The following GRIK2 variants were observed in gnomAD, a reference collection of about 807,000 sequenced individuals.
GRIK2 encodes glutamate receptor ionotropic, kainate 2.
GRIK2 carries 32 observed loss-of-function variants against 100.3 expected under a neutral mutation model. The ratio of observed to expected loss-of-function variants is 0.32; its 90% CI spans 0.24 to 0.43. The LOEUF is 0.43. GRIK2 is among the 20% of genes least tolerant of loss of function. The pLI is 1.00. For synonymous variants in GRIK2, 417 were observed against 389.4 expected, an observed-to-expected ratio of 1.07 and a Z score of -0.83; for missense variants, 843 against 1,114.9, an observed-to-expected ratio of 0.76 and a Z score of 3.47.
At chr6:101,848,700 T>C (rs1783946241) in intron 10 of GRIK2, among the ~76,000 whole-genome samples, 2 of 152,086 alleles carry the variant, frequency 1.3e-5, no homozygotes. Context: ...GTGGCGGTAG[T>C]CAATTATCAA....
intron 2 of GRIK2, among the ~76,000 whole-genome samples, chr6:101,546,344 A>T (rs1038978395): frequency 5.3e-5 from 8 of 152,210 alleles, no homozygotes; most frequent in African/African-American, 1.9e-4. Flanking sequence ...ACCCCTAATG[A>T]TTAACCTGAT....
intron 2 of GRIK2, among the ~76,000 whole-genome samples, chr6:101,565,935 G>GTA (rs60158757): frequency 0.063 from 6,848 of 109,350 alleles, 249 homozygotes; most frequent in South Asian, 0.1. Context: ...ATATATATGT[G>GTA]TATATATATA....
intron 16 of GRIK2, among the ~76,000 whole-genome samples, chr6:102,066,855 G>A (rs925515795): frequency 1.2e-4 from 18 of 151,820 alleles, no homozygotes; most frequent in South Asian, 4.1e-4. Context: ...TGGCGTAGAC[G>A]TAGAATTAGG....
intron 7 of GRIK2, among the ~76,000 whole-genome samples, chr6:101,707,380 A>G (rs1397747396): frequency 6.7e-6 from 1 of 150,214 alleles, no homozygotes; most frequent in Non-Finnish European, 1.5e-5. Context: ...TAACTGAGTT[A>G]AGAATATCCA....
chr6:101,677,408 AAACCAACC>A (rs891126481), intron 5 of GRIK2, among the ~76,000 whole-genome samples: 4 of 152,152 alleles, frequency 2.6e-5, no homozygotes, highest in Non-Finnish European at 5.9e-5. Flanking sequence ...TGCCTGACAA[AAACCAACC>A]AACCAACCAA....
chr6:102,065,455 A>C (rs2114536938), intron 16 of GRIK2, among the ~76,000 whole-genome samples: 1 of 151,456 alleles, frequency 6.6e-6, no homozygotes, highest in East Asian at 1.9e-4. Context: ...GCTAGAAATA[A>C]TATTGAGTCA....
At chr6:101,432,100 G>T (rs1157320976) in intron 2 of GRIK2, among the ~76,000 whole-genome samples, 2 of 151,630 alleles carry the variant, frequency 1.3e-5, no homozygotes, top group Non-Finnish European at 2.9e-5. Flanking sequence ...CTTCTCATTA[G>T]ACCCTGCCCT....
At chr6:101,988,407 G>A (rs1022944128) in intron 14 of GRIK2, among the ~76,000 whole-genome samples, 2 of 151,636 alleles carry the variant, frequency 1.3e-5, no homozygotes, top group Admixed American at 6.6e-5. Context: ...CTTTATCTCA[G>A]GCAGTCTGAG....
intron 16 of GRIK2, among the ~76,000 whole-genome samples, chr6:102,061,863 T>G (rs926415512): frequency 6.6e-6 from 1 of 150,454 alleles, no homozygotes; most frequent in Non-Finnish European, 1.5e-5. Context: ...CTGCCACACC[T>G]TATGAAAAGA....
intron 14 of GRIK2, among the ~76,000 whole-genome samples, chr6:101,936,076 C>A (rs925307840): frequency 1.4e-5 from 2 of 145,456 alleles, no homozygotes; most frequent in Non-Finnish European, 3.0e-5. Flanking sequence ...TTTTTTTTTT[C>A]TTTGTGCTTT....
chr6:101,789,590 G>A (rs1239847879), intron 7 of GRIK2, among the ~76,000 whole-genome samples: 7 of 152,166 alleles, frequency 4.6e-5, no homozygotes, highest in African/African-American at 1.7e-4. Context: ...CCAGTACCAT[G>A]CTGTTTTGGT....
intron 5 of GRIK2, among the ~76,000 whole-genome samples, chr6:101,680,263 G>C (rs577568631): frequency 1.3e-5 from 2 of 152,274 alleles, no homozygotes; most frequent in South Asian, 4.1e-4. Context: ...CACCAAAGCA[G>C]AATTTGATGC....
intron 11 of GRIK2, among the ~76,000 whole-genome samples, chr6:101,874,795 C>G (rs1012365414): frequency 2.6e-5 from 4 of 152,000 alleles, no homozygotes; most frequent in African/African-American, 7.2e-5. Flanking sequence ...TGTAGTTCTC[C>G]TTGAAGAGGT....
chr6:101,834,986 T>G (rs1020194388), intron 10 of GRIK2, among the ~76,000 whole-genome samples: 2 of 152,046 alleles, frequency 1.3e-5, no homozygotes, highest in Non-Finnish European at 2.9e-5. Flanking sequence ...CTGGGTGACA[T>G]AGTGAGACCC....
chr6:101,811,454 A>G (rs903367094), intron 9 of GRIK2, among the ~76,000 whole-genome samples: 1 of 152,068 alleles, frequency 6.6e-6, no homozygotes, highest in Non-Finnish European at 1.5e-5. Context: ...GTAAGAAAGT[A>G]TAAAGAGAAT....
At chr6:101,660,425 T>A (rs1048569034) in intron 4 of GRIK2, among the ~76,000 whole-genome samples, 1 of 152,176 alleles carries the variant, frequency 6.6e-6, no homozygotes, top group Non-Finnish European at 1.5e-5. Context: ...AACATGCTCC[T>A]TTAGATCGGA....
At chr6:101,597,367 A>G (rs927780218) in intron 2 of GRIK2, among the ~76,000 whole-genome samples, 1 of 151,736 alleles carries the variant, frequency 6.6e-6, no homozygotes, top group African/African-American at 2.4e-5. Flanking sequence ...TATTCCCTGA[A>G]TCTCAATAAA....
intron 14 of GRIK2, among the ~76,000 whole-genome samples, chr6:102,024,956 T>C: frequency 6.7e-6 from 1 of 149,360 alleles, no homozygotes; most frequent in Non-Finnish European, 1.5e-5. Context: ...TAAATAAAAA[T>C]AAAAAACAAA....
intron 2 of GRIK2, among the ~76,000 whole-genome samples, chr6:101,587,540 G>A (rs879430719): frequency 4.6e-5 from 7 of 152,050 alleles, no homozygotes; most frequent in Non-Finnish European, 1.0e-4. Flanking sequence ...GCTAATGATA[G>A]ATAAATTTTC....
Sources: gnomAD v4.1 joint callset for allele counts (sites outside exome capture counted in the v4.1 genomes callset) on GRCh38, gnomAD v4.1.1 for gene constraint, MANE v1.5 for transcripts, NCBI Gene and HGNC (gene_info 2026-07-23, HGNC 2026-07-21) for gene names.